The following SMCHD1 variants were observed in gnomAD, a reference collection of about 807,000 sequenced individuals.
The protein encoded by SMCHD1 is structural maintenance of chromosomes flexible hinge domain-containing protein 1.
SMCHD1 carries 78 observed loss-of-function variants against 254.7 expected under a neutral mutation model. That is an observed-to-expected ratio of 0.31 (90% CI 0.26 to 0.37). SMCHD1 has a LOEUF of 0.37. SMCHD1 is among the 10% of genes least tolerant of loss of function. The pLI, the probability that SMCHD1 is intolerant of heterozygous loss-of-function variation, is 1.00. For missense variants in SMCHD1, 1,840 were observed against 2,408.1 expected (o/e 0.76, Z 4.94); for synonymous variants, 766 against 794.9 (o/e 0.96, Z 0.61).
intron 12 of SMCHD1, 150 bp from the exon 13 acceptor site, chr18:2,703,542 A>G (rs955879405): frequency 4.2e-5 from 26 of 621,458 alleles, no homozygotes; most frequent in Non-Finnish European, 5.7e-5. Flanking sequence ...AAATGTGTAC[A>G]GAGGAAGGAT....
rs1324735272 is a variant in SMCHD1, at chr18:2,718,750, G to A, written c.2458+316G>A. Reference sequence around the variant, plus strand: ...GTATTTTTAGTAAAGACAAAGTTTCGCCATGTTGACTAGGCTGGTCTCGAT... The same window carrying A: ...GTATTTTTAGTAAAGACAAAGTTTCACCATGTTGACTAGGCTGGTCTCGAT... On this transcript the variant is annotated intron_variant, in intron 19 of 47. Coordinates refer to ENST00000320876, the MANE Select transcript of SMCHD1 (RefSeq NM_015295.3). This position sits in a 1 kb window ranked among gnomAD's most constrained non-coding sequence, Gnocchi z 4.6. 1.3e-5 allele frequency among the ~76,000 whole-genome samples: 2 copies of A among 151,862 alleles called. No homozygotes were observed. Among genetic ancestry groups the A allele is most frequent in the Non-Finnish European group, 2.9e-5 (2 of 67,954 alleles).
intron 14 of SMCHD1, 40 bp downstream of exon 14, chr18:2,705,847 A>G (rs779351763): frequency 4.1e-6 from 5 of 1,230,508 alleles, no homozygotes; most frequent in South Asian, 2.6e-5. Context: ...AAGTTTCTTG[A>G]TAACACTTTT....
In SMCHD1 at chr18:2,752,575, T is replaced by C. The variant is rs2075595436; in HGVS notation, c.4346+23T>C. On this transcript the variant is annotated intron_variant, in intron 34 of 47. Coordinates refer to ENST00000320876, the MANE Select transcript of SMCHD1 (RefSeq NM_015295.3). ...CAGGTATTTCTCAAAACATTTCATA[T>C]TTTGAATACATATCTTGTTACAAAG... 2.8e-6 allele frequency: 4 copies of C among 1,447,012 alleles called. No homozygotes were observed. In the South Asian group the frequency reaches 4.6e-5, roughly 17 times the overall value. The allele number at this position is 1,447,012 out of a possible 1,614,324, so 89.6% of individuals were successfully genotyped here.
chr18:2,728,237 A>G, intron 22 of SMCHD1: 1 of 455,390 alleles, frequency 2.2e-6, no homozygotes, highest in Non-Finnish European at 3.9e-6. Context: ...AACTTAGCCT[A>G]GACACCAAGC....
rs763226355 is a variant in SMCHD1 at position 2,708,867 on chromosome 18, C to CATATATAT, written c.2260+981_2260+988dup. ...TCCCTGCTTCTATTTTCAATAACTT[C>CATATATAT]ATATATATATATATATATATATATA... On this transcript the variant is annotated intron_variant, in intron 17 of 47. Coordinates refer to ENST00000320876, the MANE Select transcript of SMCHD1 (RefSeq NM_015295.3). 5.8e-3 allele frequency among the ~76,000 whole-genome samples: 48 copies of CATATATAT among 8,290 alleles called. 1 individual carries two copies. Among genetic ancestry groups the CATATATAT allele is most frequent in the African/African-American group, 0.011 (29 of 2,526 alleles). The allele number at this position is 8,290 out of a possible 152,430, so 5.4% of individuals were successfully genotyped here. A position where few individuals can be genotyped will look rare whatever the true frequency, so the allele number is the denominator to read the frequency against.
At chr18:2,783,792 C>T (rs754096989) in intron 44 of SMCHD1, among the ~76,000 whole-genome samples, 6 of 152,046 alleles carry the variant, frequency 3.9e-5, no homozygotes, top group Non-Finnish European at 8.8e-5. Context: ...AGGCTGGTCT[C>T]GAACTCCTGA....
Position 2,656,367 on chromosome 18 carries a change from G to C in SMCHD1, c.186+106G>C, listed in dbSNP as rs575512526. 25 of 1,084,570 alleles carry C rather than the reference G, an allele frequency of 2.3e-5. No homozygotes were observed. In the African/African-American group the frequency reaches 4.0e-4, roughly 17 times the overall value. The allele number at this position is 1,084,570 out of a possible 1,614,324, so 67.2% of individuals were successfully genotyped here. A position where few individuals can be genotyped will look rare whatever the true frequency, so the allele number is the denominator to read the frequency against. On this transcript the variant is annotated intron_variant, in intron 1 of 47. Coordinates refer to ENST00000320876, the MANE Select transcript of SMCHD1 (RefSeq NM_015295.3). Reference sequence around the variant, plus strand: ...GGCAATAAACCTGTCACCCGGTCCCGGTCCTGCGGCCTTGGCTTCCCTCTC... The same window carrying C: ...GGCAATAAACCTGTCACCCGGTCCCCGTCCTGCGGCCTTGGCTTCCCTCTC...
chr18:2,666,229 T>C lies in SMCHD1; in HGVS notation c.259T>C (p.Phe87Leu). ...TSRKEITCDN[F>L]DETVKDGVTL... ...TAGGAAAGAAATTACCTGTGATAATTTTGGTAGGTAAACAGTGTTACTAAG... is the reference window on the plus strand; with the variant it reads ...TAGGAAAGAAATTACCTGTGATAATCTTGGTAGGTAAACAGTGTTACTAAG... The change falls in exon 2 of 48, where the codon TTT (phenylalanine) becomes CTT (leucine). Residue 87 changes from phenylalanine (F) to leucine (L), a missense_variant. Around this residue, in one of 9 missense-constraint regions of SMCHD1, gnomAD observed 37 missense variants for 54.2 expected, o/e 0.68. Transcript: ENST00000320876. 1 of 1,487,652 alleles carries C rather than the reference T, an allele frequency of 6.7e-7. No homozygotes were observed. The highest frequency in any genetic ancestry group is 1.2e-5 in the South Asian group (1 of 84,108). The allele number at this position is 1,487,652 out of a possible 1,614,324, so 92.2% of individuals were successfully genotyped here.
chr18:2,724,348 A>G (rs1349332070), intron 20 of SMCHD1, among the ~76,000 whole-genome samples: 1 of 151,898 alleles, frequency 6.6e-6, no homozygotes, highest in Non-Finnish European at 1.5e-5. Flanking sequence ...TAGCTTTGGA[A>G]TCAGCTTTAG....
At chr18:2,734,114 G>A (rs1377871135) in intron 25 of SMCHD1, among the ~76,000 whole-genome samples, 10 of 152,136 alleles carry the variant, frequency 6.6e-5, no homozygotes, top group Admixed American at 3.9e-4. Context: ...AACAATGCTT[G>A]TTCTAGCCAG....
intron 8 of SMCHD1, among the ~76,000 whole-genome samples, chr18:2,695,771 T>G (rs2143132432): frequency 6.6e-6 from 1 of 152,270 alleles, no homozygotes; most frequent in African/African-American, 2.4e-5. Flanking sequence ...GCTATTGTTC[T>G]TGAGAGTCTC....
chr18:2,687,916 G>A (rs1372790827), intron 5 of SMCHD1, among the ~76,000 whole-genome samples: 1 of 152,070 alleles, frequency 6.6e-6, no homozygotes, highest in African/African-American at 2.4e-5. Context: ...CCTACATTTT[G>A]AAAGACCAGT....
At chr18:2,694,256 T>A (rs2074243054) in intron 7 of SMCHD1, among the ~76,000 whole-genome samples, 1 of 152,214 alleles carries the variant, frequency 6.6e-6, no homozygotes, top group Non-Finnish European at 1.5e-5. Context: ...TGTCTTTACC[T>A]TTTCGTTTAT....
chr18:2,791,586 T>C (rs992136065), intron 45 of SMCHD1, among the ~76,000 whole-genome samples: 19 of 152,084 alleles, frequency 1.2e-4, no homozygotes, highest in African/African-American at 4.6e-4. Flanking sequence ...GAAAGAATAG[T>C]TTTCAAGACT....
intron 5 of SMCHD1, among the ~76,000 whole-genome samples, chr18:2,678,272 TCCC>T (rs1568115601): frequency 6.4e-5 from 8 of 125,316 alleles, no homozygotes; most frequent in African/African-American, 2.5e-4. Context: ...TCTCTCTCTC[TCCC>T]TCTCTCTCTT....
At chr18:2,662,069 G>A (rs1456976767) in intron 1 of SMCHD1, among the ~76,000 whole-genome samples, 1 of 144,456 alleles carries the variant, frequency 6.9e-6, no homozygotes, top group East Asian at 1.9e-4. Context: ...TGAGGCAGGA[G>A]AATGGCGTGA....
At position 2,750,207 on chromosome 18, in the gene SMCHD1, C is replaced by T. The variant is rs1225583181; in HGVS notation, c.4007+85C>T. 2.1e-6 allele frequency: 3 copies of T among 1,423,370 alleles called. No homozygotes were observed. In the East Asian group the frequency reaches 7.3e-5, roughly 35 times the overall value. The allele number at this position is 1,423,370 out of a possible 1,614,324, so 88.2% of individuals were successfully genotyped here. On this transcript the variant is annotated intron_variant, in intron 31 of 47. Coordinates refer to ENST00000320876, the MANE Select transcript of SMCHD1 (RefSeq NM_015295.3). ...GCCGAAGTTACAGCTAATGACTATC[C>T]TTCTGTTTAATGTTAGGCAAGAGTT...
chr18:2,673,910 A>C (rs912415704), intron 4 of SMCHD1, 105 bp from the exon 5 acceptor site: 1 of 1,101,570 alleles, frequency 9.1e-7, no homozygotes, highest in Non-Finnish European at 1.3e-6. Context: ...TTCCATCAGT[A>C]ATGTATAAGT....
chr18:2,779,921 A>G (rs923509380), intron 44 of SMCHD1, among the ~76,000 whole-genome samples: 7 of 152,076 alleles, frequency 4.6e-5, no homozygotes, highest in African/African-American at 1.2e-4. Context: ...GGTATGAGTA[A>G]TTTTTCTTTG....
Sources: allele counts gnomAD v4.1 joint callset (sites outside exome capture counted in the v4.1 genomes callset), GRCh38; gene constraint gnomAD v4.1.1; regional missense constraint gnomAD v4.1.1; non-coding constraint Gnocchi (gnomAD v3.1); transcripts MANE v1.5; gene names NCBI Gene and HGNC (gene_info 2026-07-23, HGNC 2026-07-21).